The following SLC7A8 variants were observed in gnomAD, a reference collection of about 807,000 sequenced individuals.
SLC7A8 encodes the protein large neutral amino acids transporter small subunit 2.
A neutral mutation model predicts 51.2 loss-of-function variants in SLC7A8; 30 were observed. That is an observed-to-expected ratio of 0.59 (90% CI 0.44 to 0.80). SLC7A8 has a LOEUF of 0.80. Among genes scored for constraint, SLC7A8 ranks in the 30% least tolerant of loss-of-function variants. SLC7A8 has a pLI of 0.00. For missense variants in SLC7A8, 612 were observed against 674.4 expected, an observed-to-expected ratio of 0.91 and a Z score of 1.03; for synonymous variants, 257 against 275.8, an observed-to-expected ratio of 0.93 and a Z score of 0.67.
At chr14:23,177,430 T>C (rs759631456) in intron 1 of SLC7A8, among the ~76,000 whole-genome samples, 1 of 152,280 alleles carries the variant, frequency 6.6e-6, no homozygotes, top group Non-Finnish European at 1.5e-5. Context: ...TGCCTTTTTC[T>C]GCCCATAAAT....
intron 1 of SLC7A8, among the ~76,000 whole-genome samples, chr14:23,175,562 T>C (rs2048995490): frequency 6.6e-6 from 1 of 152,244 alleles, no homozygotes; most frequent in Non-Finnish European, 1.5e-5. Context: ...GGTGTGTCTC[T>C]TGGACATAGT....
At chr14:23,132,483 G>A (rs549062359) in intron 7 of SLC7A8, among the ~76,000 whole-genome samples, 1 of 152,184 alleles carries the variant, frequency 6.6e-6, no homozygotes, top group East Asian at 1.9e-4. Flanking sequence ...TTGGGAGGCT[G>A]AAGCAGGAAG....
chr14:23,142,628 G>T (rs890430824), intron 4 of SLC7A8, among the ~76,000 whole-genome samples: 7 of 152,070 alleles, frequency 4.6e-5, no homozygotes, highest in Non-Finnish European at 7.4e-5. Context: ...AGCCTCCAGA[G>T]TAAGTGAGAC....
intron 3 of SLC7A8, among the ~76,000 whole-genome samples, chr14:23,152,142 T>A (rs2048853119): frequency 6.6e-6 from 1 of 152,144 alleles, no homozygotes; most frequent in South Asian, 2.1e-4. Context: ...ACTGTTTTCT[T>A]TTTTTTGAGA....
intron 4 of SLC7A8, 22 bp from the exon 5 acceptor site, chr14:23,140,646 G>A (rs749993615): frequency 6.3e-7 from 1 of 1,599,358 alleles, no homozygotes; most frequent in Non-Finnish European, 8.6e-7. Context: ...AGCAACAGGA[G>A]GCCGCTCAGT....
rs2048947267 is a variant in SLC7A8 at position 23,165,912 on chromosome 14, C to T, written c.356+424G>A. Among the ~76,000 whole-genome samples, 2 of 152,202 alleles carry T rather than the reference C, an allele frequency of 1.3e-5. No homozygotes were observed. Among genetic ancestry groups the T allele is most frequent in the South Asian group, 4.2e-4 (2 of 4,818 alleles). ...AAATTGAGGAAATTTAAGATTAGGG[C>T]CCAGCTCTAGAGGGAGGCCATTATC... On this transcript the variant is annotated intron_variant, in intron 2 of 10. Transcript: ENST00000316902. This position sits in a 1 kb window ranked among gnomAD's most constrained non-coding sequence, Gnocchi z 4.2.
chr14:23,176,052 T>G (rs2048997591), intron 1 of SLC7A8, among the ~76,000 whole-genome samples: 1 of 152,218 alleles, frequency 6.6e-6, no homozygotes, highest in Non-Finnish European at 1.5e-5. Context: ...CTCTATGTTT[T>G]GTGTGAGTGT....
chr14:23,126,206 C>T lies in SLC7A8; in HGVS notation c.*971G>A, dbSNP rs970474438. On this transcript the variant is annotated 3_prime_UTR_variant, in exon 11 of 11. Coordinates refer to ENST00000316902, the MANE Select transcript of SLC7A8 (RefSeq NM_012244.4). ...GAGGTGACTTAAGGCTGATCTGGCT[C>T]TGATCTCAGGCCTGAAGGGCTTGGG... is the stretch of plus-strand genomic sequence containing the variant. 6.5e-6 allele frequency: 1 copy of T among 153,052 alleles called. No individual in the cohort carries two copies. Among genetic ancestry groups the T allele is most frequent in the African/African-American group, 2.4e-5 (1 of 41,452 alleles). 9.5% of individuals were successfully genotyped at this position (153,052 alleles called of 1,614,324 possible).
At chr14:23,156,582 G>A (rs912009150) in intron 3 of SLC7A8, among the ~76,000 whole-genome samples, 2 of 152,118 alleles carry the variant, frequency 1.3e-5, no homozygotes, top group African/African-American at 4.8e-5. Flanking sequence ...CAATTAATGG[G>A]TGACTTTATT....
In SLC7A8 at chr14:23,165,452, G is replaced by A; in HGVS notation, c.357-16C>T. On this transcript the variant is annotated splice_polypyrimidine_tract_variant and intron_variant, in intron 2 of 10. Coordinates refer to ENST00000316902, the MANE Select transcript of SLC7A8 (RefSeq NM_012244.4). This position sits in a 1 kb window ranked among gnomAD's most constrained non-coding sequence, Gnocchi z 4.2. ...CCTCAGGAACCTGAAGGAGGAAAGG[G>A]ACATCCGCCGAAAGGCATGGCAGGG... The A allele has an allele frequency of 6.3e-7, 1 of 1,577,914 alleles. No homozygotes were observed. The highest frequency in any genetic ancestry group is 8.6e-7 in the Non-Finnish European group (1 of 1,166,396).
At chr14:23,181,547 T>G (rs1362125572) in intron 1 of SLC7A8, among the ~76,000 whole-genome samples, 2 of 152,186 alleles carry the variant, frequency 1.3e-5, no homozygotes, top group African/African-American at 2.4e-5. Flanking sequence ...AATACTGCAC[T>G]GATTTTATTT....
In SLC7A8 at chr14:23,137,930, G is replaced by A; in HGVS notation, c.1007C>T (p.Thr336Ile). ...TFGGVNGSLFTSSRLFFAGAR... is the reference protein window; with the variant it reads ...TFGGVNGSLFISSRLFFAGAR... ...CCCAGGCAGCACTCACCGAGAGGAG[G>A]TGAAGAGAGACCCATTAACTCCTCC... Residue 336 changes from threonine (T) to isoleucine (I), a missense_variant, in exon 7 of 11, where the codon ACC becomes ATC. Transcript: ENST00000316902. 1.2e-6 allele frequency: 2 copies of A among 1,613,924 alleles called. No individual in the cohort carries two copies. The highest frequency in any genetic ancestry group is 1.1e-5 in the South Asian group (1 of 91,074).
intron 7 of SLC7A8, among the ~76,000 whole-genome samples, chr14:23,133,610 T>C (rs544799428): frequency 1.3e-5 from 2 of 152,212 alleles, no homozygotes; most frequent in South Asian, 4.1e-4. Flanking sequence ...GTGAATCACC[T>C]GAGGTCAGGA....
intron 3 of SLC7A8, among the ~76,000 whole-genome samples, chr14:23,164,004 C>T (rs1266877963): frequency 2.6e-5 from 4 of 151,552 alleles, no homozygotes; most frequent in African/African-American, 9.7e-5. Flanking sequence ...CTATGTTGCC[C>T]AGGCTGGAGT....
At chr14:23,150,128 A>G (rs2048833486) in intron 3 of SLC7A8, among the ~76,000 whole-genome samples, 1 of 152,246 alleles carries the variant, frequency 6.6e-6, no homozygotes, top group African/African-American at 2.4e-5. Flanking sequence ...GTGCCTTTTG[A>G]AATAGAACAC....
At chr14:23,170,868 G>A (rs973900818) in intron 1 of SLC7A8, among the ~76,000 whole-genome samples, 1 of 151,820 alleles carries the variant, frequency 6.6e-6, no homozygotes, top group East Asian at 1.9e-4. Context: ...TAGGACTATG[G>A]GTGTGTGCCA....
At chr14:23,176,644 C>G (rs924773113) in intron 1 of SLC7A8, among the ~76,000 whole-genome samples, 2 of 151,958 alleles carry the variant, frequency 1.3e-5, no homozygotes, top group African/African-American at 4.8e-5. Context: ...GCTTATAGCT[C>G]AGGAATTGGC....
At position 23,140,484 on chromosome 14, in the gene SLC7A8, C is replaced by G. The variant is rs750662210; in HGVS notation, c.775G>C (p.Val259Leu). Residue 259 changes from valine (V) to leucine (L), a missense_variant, in exon 5 of 11, where the codon GTT becomes CTT. Val to Leu is a conservative substitution (Grantham distance 32, BLOSUM62 1). Coordinates refer to ENST00000316902, the MANE Select transcript of SLC7A8 (RefSeq NM_012244.4). ...CTTTCAACTCACTTGTAGGGATCAA[C>G]AAGCTCCTCAGTCACGTAATTCAGA... ...NFLNYVTEEL[V>L]DPYKNLPRAI... The G allele has an allele frequency of 8.1e-6, 13 of 1,612,668 alleles. No homozygotes were observed. The highest frequency in any genetic ancestry group is 1.1e-5 in the Non-Finnish European group (13 of 1,178,804).
chr14:23,139,483 C>CA lies in SLC7A8; in HGVS notation c.852dup (p.Val285CysfsTer47). 18 of 1,614,146 alleles carry CA rather than the reference C, an allele frequency of 1.1e-5. No homozygotes were observed. Among genetic ancestry groups the CA allele is most frequent in the Non-Finnish European group, 1.5e-5 (18 of 1,180,010 alleles). On this transcript the variant is annotated frameshift_variant, in exon 6 of 11. Transcript: ENST00000316902. LOFTEE classifies it high-confidence loss of function. ...GGGGACATTGCAGTGACATAAGCGACATTGGCAAAGACATACACAAATGTG... is the reference window on the plus strand; with the variant it reads ...GGGGACATTGCAGTGACATAAGCGACAATTGGCAAAGACATACACAAATGTG...
Sources: gnomAD v4.1 joint callset for allele counts (sites outside exome capture counted in the v4.1 genomes callset) on GRCh38, gnomAD v4.1.1 for gene constraint, Gnocchi (gnomAD v3.1) non-coding constraint, MANE v1.5 for transcripts, NCBI Gene and HGNC (gene_info 2026-07-23, HGNC 2026-07-21) for gene names.